The following DPY19L2 variants were observed in gnomAD, a reference collection of about 807,000 sequenced individuals.
DPY19L2 encodes dpy-19 like 2, also known as probable C-mannosyltransferase DPY19L2.
DPY19L2 carries 34 observed loss-of-function variants against 97.9 expected under a neutral mutation model. The ratio of observed to expected loss-of-function variants is 0.35; its 90% confidence interval spans 0.26 to 0.46. DPY19L2 has a LOEUF of 0.46. DPY19L2 is among the 20% of genes least tolerant of loss of function. DPY19L2 has a pLI of 1.00. For synonymous variants in DPY19L2, 230 were observed against 307.9 expected (o/e 0.75, Z 2.65); for missense variants, 623 against 911.4 (o/e 0.68, Z 4.07).
intron 4 of DPY19L2, among the ~76,000 whole-genome samples, chr12:63,656,123 T>C (rs1894940535): frequency 6.6e-6 from 1 of 152,172 alleles, no homozygotes; most frequent in Admixed American, 6.5e-5. Flanking sequence ...TTGTTGTTGT[T>C]GCTGCTGACA....
intron 6 of DPY19L2, among the ~76,000 whole-genome samples, chr12:63,632,634 A>G (rs1373813455): frequency 2.6e-5 from 4 of 152,312 alleles, no homozygotes; most frequent in African/African-American, 9.6e-5. Context: ...AAATGGCCAT[A>G]CTGCCCAAGG....
chr12:63,657,369 AACTC>A (rs760141442), intron 4 of DPY19L2, among the ~76,000 whole-genome samples: 9 of 152,092 alleles, frequency 5.9e-5, no homozygotes, highest in African/African-American at 1.2e-4. Flanking sequence ...TGCCTTGCAA[AACTC>A]ACTCAGTCAC....
At position 63,583,944 on chromosome 12, in the gene DPY19L2, T is replaced by C. The variant is rs1171818212; in HGVS notation, c.1581-108A>G. On this transcript the variant is annotated intron_variant, in intron 16 of 21. Coordinates refer to ENST00000324472, the MANE Select transcript of DPY19L2 (RefSeq NM_173812.5). ...CTTAGATTTTTAAAATGTGACTATC[T>C]CTAAACTACTTACGAAAATACATAA... The C allele has an allele frequency of 9.9e-6, 8 of 809,554 alleles. No individual in the cohort carries two copies. In the East Asian group the frequency reaches 1.9e-4, roughly 19 times the overall value. The allele number at this position is 809,554 out of a possible 1,614,324, so 50.1% of individuals were successfully genotyped here. A position where few individuals can be genotyped will look rare whatever the true frequency, so the allele number is the denominator to read the frequency against.
chr12:63,602,822 T>C (rs1333096804), intron 12 of DPY19L2, among the ~76,000 whole-genome samples: 3 of 152,140 alleles, frequency 2.0e-5, no homozygotes, highest in Non-Finnish European at 4.4e-5. Context: ...ATAGACGTTA[T>C]TTAAAGAAGT....
At chr12:63,662,003 C>T (rs1217727724) in intron 3 of DPY19L2, among the ~76,000 whole-genome samples, 1 of 152,138 alleles carries the variant, frequency 6.6e-6, no homozygotes, top group East Asian at 1.9e-4. Flanking sequence ...ATCCTCTGTG[C>T]AAAGTGAAAG....
chr12:63,589,513 CTG>C, intron 16 of DPY19L2, among the ~76,000 whole-genome samples: 1 of 151,886 alleles, frequency 6.6e-6, no homozygotes, highest in Non-Finnish European at 1.5e-5. Context: ...TTATGCAACA[CTG>C]TGTTGGGACA....
At chr12:63,600,620 T>TTTTTA (rs1884985903) in intron 12 of DPY19L2, among the ~76,000 whole-genome samples, 1 of 149,020 alleles carries the variant, frequency 6.7e-6, no homozygotes, top group African/African-American at 2.5e-5. Flanking sequence ...TCTTTTTTTT[T>TTTTTA]TTTTTTTTTT....
At chr12:63,630,714 C>G (rs7962581) in intron 6 of DPY19L2, among the ~76,000 whole-genome samples, 108,035 of 151,770 alleles carry the variant, frequency 0.71, 39,360 homozygotes, top group African/African-American at 0.87. Context: ...GCACCAGGCG[C>G]ACCTAATAGA....
At chr12:63,636,420 TAA>T (rs1891707010) in intron 6 of DPY19L2, among the ~76,000 whole-genome samples, 1 of 152,006 alleles carries the variant, frequency 6.6e-6, no homozygotes. Context: ...CAAATTCACA[TAA>T]AACAATATTA....
chr12:63,574,141 A>G (rs547538373), intron 19 of DPY19L2, among the ~76,000 whole-genome samples: 1 of 152,236 alleles, frequency 6.6e-6, no homozygotes, highest in South Asian at 2.1e-4. Context: ...ACAATAAGAT[A>G]TAAATAGAAA....
At position 63,668,249 on chromosome 12, in the gene DPY19L2, T is replaced by C. The variant is rs750859265; in HGVS notation, c.145A>G (p.Arg49Gly). The change falls in exon 1 of 22, where the codon AGG becomes GGG. Residue 49 changes from arginine to glycine, a missense_variant. Physicochemically the swap from Arg to Gly is moderately radical, Grantham distance 125 (BLOSUM62 -2). Around this residue, in one of 6 missense-constraint regions of DPY19L2, gnomAD observed 144 missense variants for 119.4 expected, o/e 1.21. Transcript: ENST00000324472. ...CCCGGGGAGGACCTCCAGGAGCCCC[T>C]TGGCAGTTTCCCGCCGCCTAGGGCC... is the stretch of plus-strand genomic sequence containing the variant. Reference protein sequence around the residue: ...KSALGGGKLPRGSWRSSPGRI... With the variant: ...KSALGGGKLPGGSWRSSPGRI... 2 of 1,613,792 alleles carry C rather than the reference T, an allele frequency of 1.2e-6. No homozygotes were observed. The highest frequency in any genetic ancestry group is 1.3e-5 in the African/African-American group (1 of 74,990).
intron 3 of DPY19L2, 85 bp from the exon 4 acceptor site, chr12:63,661,566 T>TAAAA: frequency 1.3e-6 from 1 of 762,328 alleles, no homozygotes. Context: ...ACTTTTTTTC[T>TAAAA]GAAAAAAAAA....
At chr12:63,590,655 C>G (rs929885496) in intron 16 of DPY19L2, among the ~76,000 whole-genome samples, 5 of 151,972 alleles carry the variant, frequency 3.3e-5, no homozygotes, top group African/African-American at 1.2e-4. Flanking sequence ...GAATACAATT[C>G]TATTTTTTTA....
At chr12:63,628,528 C>T (rs1376535957) in intron 6 of DPY19L2, among the ~76,000 whole-genome samples, 11 of 152,158 alleles carry the variant, frequency 7.2e-5, no homozygotes, top group East Asian at 3.9e-4. Context: ...GAGGGGCACC[C>T]ACCATGGCCA....
chr12:63,596,764 C>T (rs1038742100), intron 14 of DPY19L2, among the ~76,000 whole-genome samples: 4 of 152,186 alleles, frequency 2.6e-5, no homozygotes, highest in South Asian at 2.1e-4. Context: ...TTTGTTATGT[C>T]CTATGAAGAA....
chr12:63,572,403 G>A (rs1481546212), intron 19 of DPY19L2, among the ~76,000 whole-genome samples: 1 of 152,014 alleles, frequency 6.6e-6, no homozygotes, highest in African/African-American at 2.4e-5. Context: ...CTCAGCTGCA[G>A]TAGGATAGAG....
chr12:63,569,326 G>C lies in DPY19L2; in HGVS notation c.2024C>G (p.Ser675Cys). The C allele has an allele frequency of 6.3e-7, 1 of 1,592,138 alleles. No homozygotes were observed. Residue 675 changes from serine to cysteine, a missense_variant, in exon 21 of 22, where the codon TCT becomes TGT. Ser to Cys is a moderately radical substitution (Grantham distance 112). Coordinates refer to ENST00000324472, the MANE Select transcript of DPY19L2 (RefSeq NM_173812.5). ...DLRARTKIVYSTYSRKSAKEV... is the reference protein window; with the variant it reads ...DLRARTKIVYCTYSRKSAKEV... ...TTTGGCAGATTTTCGACTATATGTA[G>C]AATAAACTATTTTTGTCCGAGCCCT...
At chr12:63,589,814 T>TA (rs1337004754) in intron 16 of DPY19L2, among the ~76,000 whole-genome samples, 2 of 152,048 alleles carry the variant, frequency 1.3e-5, no homozygotes, top group African/African-American at 4.8e-5. Context: ...GACAAAATGT[T>TA]ACGTCTATGG....
intron 11 of DPY19L2, among the ~76,000 whole-genome samples, chr12:63,610,731 T>C (rs1407462283): frequency 6.0e-5 from 9 of 149,958 alleles, no homozygotes; most frequent in Admixed American, 1.3e-4. Context: ...TTCCAAAAAA[T>C]TGAAGAGAAC....
Sources: gnomAD v4.1 joint callset for allele counts (sites outside exome capture counted in the v4.1 genomes callset) on GRCh38, gnomAD v4.1.1 for gene constraint, gnomAD v4.1.1 regional missense constraint, MANE v1.5 for transcripts, NCBI Gene and HGNC (gene_info 2026-07-23, HGNC 2026-07-21) for gene names.